Variants in KCNN1 observed in about 807,000 individuals in gnomAD.
KCNN1 encodes the protein small conductance calcium-activated potassium channel protein 1.
A neutral mutation model predicts 44.7 loss-of-function variants in KCNN1; 20 were observed. The observed-to-expected ratio is 0.45, with a 90% confidence interval of 0.32 to 0.65. The LOEUF (loss-of-function observed/expected upper bound fraction) is 0.65. Ranked by LOEUF, KCNN1 falls within the 30% of genes least tolerant of loss-of-function variation. The pLI, the probability that KCNN1 is intolerant of heterozygous loss-of-function variation, is 0.05. For synonymous variants in KCNN1, 324 were observed against 341.7 expected (o/e 0.95, Z 0.57); for missense variants, 632 against 785.3 (o/e 0.80, Z 2.33).
chr19:17,984,343 CTG>C (rs986256855), intron 4 of KCNN1, among the ~76,000 whole-genome samples: 4 of 152,152 alleles, frequency 2.6e-5, no homozygotes, highest in African/African-American at 9.7e-5. Flanking sequence ...TATCCTTGGG[CTG>C]TGTCACCCAC....
In KCNN1 at chr19:17,974,264, G is replaced by T; in HGVS notation, c.376G>T (p.Glu126Ter). 6.3e-7 allele frequency: 1 copy of T among 1,593,838 alleles called. No individual in the cohort carries two copies. ...CATCGTCGTCATGGTGACGGAGACC[G>T]AGCTGTCCTGGGGGGTGTACACCAA... ...FGIVVMVTET[E>*]LSWGVYTKES... The change falls in exon 2 of 10, where the codon GAG becomes TAG. Residue 126 changes from glutamate (E) to a stop codon, truncating the protein, a stop_gained. Transcript: ENST00000684775. LOFTEE classifies it high-confidence loss of function. This position sits in a 1 kb window ranked among gnomAD's most constrained non-coding sequence, Gnocchi z 7.3.
At chr19:17,953,879 A>C (rs899802839) in intron 1 of KCNN1, among the ~76,000 whole-genome samples, 1 of 152,196 alleles carries the variant, frequency 6.6e-6, no homozygotes, top group Non-Finnish European at 1.5e-5. Flanking sequence ...GCAGTGAGCC[A>C]TGTTCATGCG....
At position 18,000,038 on chromosome 19, in the gene KCNN1, G is replaced by A. The variant is rs1018312365; in HGVS notation, c.*1632G>A. 12 of 455,762 alleles carry A rather than the reference G, an allele frequency of 2.6e-5. No homozygotes were observed. Among genetic ancestry groups the A allele is most frequent in the Admixed American group, 2.4e-5 (1 of 42,524 alleles). The allele number at this position is 455,762 out of a possible 1,614,324, so 28.2% of individuals were successfully genotyped here. A position where few individuals can be genotyped will look rare whatever the true frequency, so the allele number is the denominator to read the frequency against. The stretch of plus-strand genomic sequence containing the variant: ...ACTCCCTAAAAAGGGCCAGGCAACT[G>A]GTAGGTGCTCAATAAATGCTCCTTC... On this transcript the variant is annotated 3_prime_UTR_variant, in exon 10 of 10. Coordinates refer to ENST00000684775, the MANE Select transcript of KCNN1 (RefSeq NM_001386974.1).
chr19:17,970,585 G>A (rs1358270727), intron 1 of KCNN1, among the ~76,000 whole-genome samples: 1 of 151,986 alleles, frequency 6.6e-6, no homozygotes, highest in Non-Finnish European at 1.5e-5. Flanking sequence ...CCAGAGTGCT[G>A]GGATTACAGG....
In KCNN1 at chr19:17,999,834, G is replaced by A. The variant is rs1290646512; in HGVS notation, c.*1428G>A. ...CCTGGCTCAACGAGATAACTAGGCC[G>A]TGGCTGGTGCATGAATGACCAGCTT... is the stretch of plus-strand genomic sequence containing the variant. On this transcript the variant is annotated 3_prime_UTR_variant, in exon 10 of 10. Coordinates refer to ENST00000684775, the MANE Select transcript of KCNN1 (RefSeq NM_001386974.1). 3 of 372,380 alleles carry A rather than the reference G, an allele frequency of 8.1e-6. No homozygotes were observed. The highest frequency in any genetic ancestry group is 7.4e-5 in the East Asian group (1 of 13,580). The allele number at this position is 372,380 out of a possible 1,614,324, so 23.1% of individuals were successfully genotyped here. A position where few individuals can be genotyped will look rare whatever the true frequency, so the allele number is the denominator to read the frequency against.
At position 17,998,106 on chromosome 19, in the gene KCNN1, TCTCA is replaced by T. The variant is rs1279142261; in HGVS notation, c.1378-41_1378-38del. 6 of 1,519,432 alleles carry T rather than the reference TCTCA, an allele frequency of 3.9e-6. No individual in the cohort carries two copies. Among genetic ancestry groups the T allele is most frequent in the South Asian group, 1.3e-5 (1 of 78,034 alleles). 94.1% of individuals were successfully genotyped at this position (1,519,432 alleles called of 1,614,324 possible). On this transcript the variant is annotated intron_variant, in intron 9 of 9. Transcript: ENST00000684775. The surrounding 1 kb of genome is among the most constrained non-coding windows in gnomAD (Gnocchi z 5.4). ...GGTGTCGTGGTATCGTCCTTTCCTC[TCTCA>T]CTCAGCGGCGCCTCTCTCCTGCCCC...
chr19:17,967,538 G>T (rs905738920), intron 1 of KCNN1, among the ~76,000 whole-genome samples: 3 of 152,174 alleles, frequency 2.0e-5, no homozygotes, highest in African/African-American at 7.2e-5. Context: ...CATCCTGGGA[G>T]GGGGAGGGTG....
At chr19:17,963,744 G>A (rs1374215843), upstream of KCNN1, among the ~76,000 whole-genome samples, 1 of 131,438 alleles carries the variant, frequency 7.6e-6, no homozygotes, top group African/African-American at 3.4e-5. Context: ...TTTTTTTTGT[G>A]AGATAGGGTC....
At chr19:17,960,428 G>A (rs1363360507) in intron 2 of KCNN1, among the ~76,000 whole-genome samples, 3 of 151,920 alleles carry the variant, frequency 2.0e-5, no homozygotes, top group Non-Finnish European at 4.4e-5. Flanking sequence ...TCAGGAGTTC[G>A]AGACCAGCCT....
Position 17,981,738 on chromosome 19 carries a change from C to T in KCNN1, c.528C>T (p.Asp176=). 1.3e-6 allele frequency: 2 copies of T among 1,596,216 alleles called. No homozygotes were observed. The highest frequency in any genetic ancestry group is 1.7e-6 in the Non-Finnish European group (2 of 1,167,456). The change falls in exon 4 of 10, where the codon GAC becomes GAT. Residue 176 remains aspartate, a synonymous_variant. Coordinates refer to ENST00000684775, the MANE Select transcript of KCNN1 (RefSeq NM_001386974.1). ...TCATGGTGGACAACGGGGCTGATGA[C>T]TGGCGCATCGCCATGACCTGCGAGC... is the stretch of plus-strand genomic sequence containing the variant. The part of the protein sequence containing the change: ...QLFMVDNGAD[D]WRIAMTCERV...
chr19:17,969,186 C>T (rs926267606), intron 1 of KCNN1, among the ~76,000 whole-genome samples: 5 of 152,226 alleles, frequency 3.3e-5, no homozygotes, highest in Admixed American at 6.5e-5. Flanking sequence ...CCCAGGCACT[C>T]ATCAGTTCTG....
intron 2 of KCNN1, among the ~76,000 whole-genome samples, chr19:17,961,584 T>C (rs1010265373): frequency 2.1e-5 from 2 of 93,580 alleles, no homozygotes; most frequent in Non-Finnish European, 4.3e-5. Context: ...CTTTCTTTCT[T>C]TCTTTTTTTT....
chr19:17,994,555 A>G (rs1369982598), intron 9 of KCNN1, among the ~76,000 whole-genome samples: 3 of 148,154 alleles, frequency 2.0e-5, no homozygotes, highest in Non-Finnish European at 3.0e-5. Flanking sequence ...TTATTTATTT[A>G]TTTTTTGAGA....
intron 5 of KCNN1, among the ~76,000 whole-genome samples, chr19:17,986,995 CAG>C (rs552485233): frequency 6.6e-5 from 10 of 151,420 alleles, no homozygotes; most frequent in African/African-American, 2.4e-4. Context: ...TTAGTATAGA[CAG>C]GGTTTCATCA....
In KCNN1 at chr19:17,999,973, G is replaced by C. The variant is rs1763445754; in HGVS notation, c.*1567G>C. On this transcript the variant is annotated 3_prime_UTR_variant, in exon 10 of 10. Coordinates refer to ENST00000684775, the MANE Select transcript of KCNN1 (RefSeq NM_001386974.1). ...TGGCTGCCCCTCTGGGGCCTTGGTT[G>C]TTTCATCTGTAAAATGGGGTGACAG... 4.4e-6 allele frequency: 2 copies of C among 455,842 alleles called. No individual in the cohort carries two copies. The highest frequency in any genetic ancestry group is 4.7e-5 in the Admixed American group (2 of 42,532). 28.2% of individuals were successfully genotyped at this position (455,842 alleles called of 1,614,324 possible). A position where few individuals can be genotyped will look rare whatever the true frequency, so the allele number is the denominator to read the frequency against.
chr19:17,994,763 C>G (rs185303686), intron 9 of KCNN1, among the ~76,000 whole-genome samples: 1 of 152,166 alleles, frequency 6.6e-6, no homozygotes, highest in Non-Finnish European at 1.5e-5. Context: ...AGCCTGGTCT[C>G]GAACTCCTGA....
intron 2 of KCNN1, among the ~76,000 whole-genome samples, chr19:17,961,416 T>G (rs144644212): frequency 6.6e-6 from 1 of 151,838 alleles, no homozygotes; most frequent in Non-Finnish European, 1.5e-5. Context: ...GTCTCTACAT[T>G]TAAAAACAAA....
chr19:17,956,092 C>T (rs2031538662), intron 2 of KCNN1, among the ~76,000 whole-genome samples: 1 of 152,126 alleles, frequency 6.6e-6, no homozygotes, highest in African/African-American at 2.4e-5. Context: ...CATGCGTCAC[C>T]ACGCACAGCT....
chr19:17,953,847 T>G (rs2031479420), intron 1 of KCNN1, among the ~76,000 whole-genome samples: 1 of 152,174 alleles, frequency 6.6e-6, no homozygotes, highest in South Asian at 2.1e-4. Context: ...GGAGGATCGC[T>G]TGAGCCCGGG....
Sources: gnomAD v4.1 joint callset for allele counts (sites outside exome capture counted in the v4.1 genomes callset) on GRCh38, gnomAD v4.1.1 for gene constraint, Gnocchi (gnomAD v3.1) non-coding constraint, MANE v1.5 for transcripts, NCBI Gene and HGNC (gene_info 2026-07-23, HGNC 2026-07-21) for gene names.